The following ARIH1 variants were observed in gnomAD, a reference collection of about 807,000 sequenced individuals.
ARIH1 encodes E3 ubiquitin-protein ligase ARIH1.
ARIH1 carries 8 observed loss-of-function variants against 85.0 expected under a neutral mutation model. The ratio of observed to expected loss-of-function variants is 0.09; its 90% CI spans 0.06 to 0.17. The LOEUF is 0.17. Ranked by LOEUF, ARIH1 falls within the 10% of genes least tolerant of loss-of-function variation. The pLI, the probability that ARIH1 is intolerant of heterozygous loss-of-function variation, is 1.00. For synonymous variants in ARIH1, 238 were observed against 253.6 expected (o/e 0.94, Z 0.59); for missense variants, 311 against 718.1 (o/e 0.43, Z 6.48).
chr15:72,573,926 T>TA (rs1338538834), intron 11 of ARIH1, among the ~76,000 whole-genome samples: 1 of 152,204 alleles, frequency 6.6e-6, no homozygotes, highest in African/African-American at 2.4e-5. Flanking sequence ...TGATGTCCCT[T>TA]AAGTCATATC....
At chr15:72,552,005 G>C (rs900768486) in intron 3 of ARIH1, among the ~76,000 whole-genome samples, 2 of 152,300 alleles carry the variant, frequency 1.3e-5, no homozygotes, top group East Asian at 3.9e-4. Flanking sequence ...GAGAAATCAA[G>C]TACTCTTGCA....
At chr15:72,537,277 A>G (rs1221889193) in intron 2 of ARIH1, among the ~76,000 whole-genome samples, 1 of 152,196 alleles carries the variant, frequency 6.6e-6, no homozygotes, top group Non-Finnish European at 1.5e-5. Flanking sequence ...ATAACTTTAA[A>G]AACCACAAAG....
At chr15:72,573,548 CTAAA>C (rs563388781) in intron 11 of ARIH1, among the ~76,000 whole-genome samples, 5 of 151,566 alleles carry the variant, frequency 3.3e-5, no homozygotes, top group Non-Finnish European at 5.9e-5. Context: ...GACTCTGTCG[CTAAA>C]TAAATAAATA....
At chr15:72,484,206 A>G (rs1391969450) in intron 1 of ARIH1, among the ~76,000 whole-genome samples, 1 of 151,636 alleles carries the variant, frequency 6.6e-6, no homozygotes, top group Non-Finnish European at 1.5e-5. Context: ...AAGAAAAGAA[A>G]ATTGTAGATT....
At chr15:72,528,405 TATG>T (rs907189386) in intron 2 of ARIH1, among the ~76,000 whole-genome samples, 1 of 152,218 alleles carries the variant, frequency 6.6e-6, no homozygotes, top group Non-Finnish European at 1.5e-5. Flanking sequence ...TGGATGTGAT[TATG>T]ATAACATGGA....
At chr15:72,488,110 A>T (rs1412197309) in intron 1 of ARIH1, among the ~76,000 whole-genome samples, 1 of 152,178 alleles carries the variant, frequency 6.6e-6, no homozygotes. Flanking sequence ...ATCACGGCTC[A>T]CTACAGCCTT....
At chr15:72,559,234 A>T (rs2064187404) in intron 5 of ARIH1, among the ~76,000 whole-genome samples, 1 of 152,122 alleles carries the variant, frequency 6.6e-6, no homozygotes, top group Non-Finnish European at 1.5e-5. Context: ...ATGCAGTTCA[A>T]ACCTGTGTTG....
At chr15:72,572,064 T>G in intron 10 of ARIH1, 44 bp from the exon 11 acceptor site, 1 of 1,369,910 alleles carries the variant, frequency 7.3e-7, no homozygotes, top group Non-Finnish European at 1.0e-6. Flanking sequence ...TTCCTTTTCA[T>G]TGATTTTTTT....
In ARIH1 at chr15:72,582,955, G is replaced by A. The variant is rs1389399121; in HGVS notation, c.1590-253G>A. ...GAATTATGATTTCTAAGGTCCATCA[G>A]AACTTGTAACACTTTATTGCTTTAA... On this transcript the variant is annotated intron_variant, in intron 13 of 13. Coordinates refer to ENST00000379887, the MANE Select transcript of ARIH1 (RefSeq NM_005744.5). The surrounding 1 kb of genome is among the most constrained non-coding windows in gnomAD (Gnocchi z 4.6). 6.6e-6 allele frequency among the ~76,000 whole-genome samples: 1 copy of A among 152,166 alleles called. No individual in the cohort carries two copies. The highest frequency in any genetic ancestry group is 1.5e-5 in the Non-Finnish European group (1 of 68,026).
chr15:72,539,315 A>C (rs967035989), intron 2 of ARIH1, among the ~76,000 whole-genome samples: 1 of 152,240 alleles, frequency 6.6e-6, no homozygotes, highest in Non-Finnish European at 1.5e-5. Flanking sequence ...CTATCCAGGC[A>C]CAGTAGTCTT....
intron 1 of ARIH1, among the ~76,000 whole-genome samples, chr15:72,489,532 A>T (rs987971413): frequency 3.9e-5 from 6 of 152,246 alleles, no homozygotes; most frequent in Admixed American, 6.5e-5. Flanking sequence ...TAAATGAATA[A>T]GTAAAAATTA....
At chr15:72,514,984 C>T (rs747497111) in intron 1 of ARIH1, among the ~76,000 whole-genome samples, 2 of 151,590 alleles carry the variant, frequency 1.3e-5, no homozygotes, top group Non-Finnish European at 2.9e-5. Context: ...AAGACTCCAT[C>T]AAAAAAACAA....
intron 3 of ARIH1, among the ~76,000 whole-genome samples, chr15:72,552,049 G>C (rs936972493): frequency 1.3e-4 from 20 of 152,214 alleles, no homozygotes; most frequent in African/African-American, 4.8e-4. Context: ...TTGCAGGGGA[G>C]CCTGATGATA....
At chr15:72,505,792 G>C (rs1390865543) in intron 1 of ARIH1, among the ~76,000 whole-genome samples, 1 of 152,124 alleles carries the variant, frequency 6.6e-6, no homozygotes, top group African/African-American at 2.4e-5. Flanking sequence ...GTGGAGTGCA[G>C]TGGTGCGATC....
chr15:72,500,459 A>G (rs1389541757), intron 1 of ARIH1, among the ~76,000 whole-genome samples: 1 of 152,068 alleles, frequency 6.6e-6, no homozygotes, highest in Non-Finnish European at 1.5e-5. Context: ...GAATCTTCTA[A>G]TCCATTGTGC....
intron 1 of ARIH1, among the ~76,000 whole-genome samples, chr15:72,480,102 C>T (rs1346322711): frequency 6.6e-6 from 1 of 151,940 alleles, no homozygotes; most frequent in African/African-American, 2.4e-5. Flanking sequence ...ATCTCCTGAC[C>T]TCGTGATCCG....
intron 2 of ARIH1, among the ~76,000 whole-genome samples, chr15:72,519,874 A>G (rs992245233): frequency 1.1e-4 from 16 of 152,102 alleles, no homozygotes; most frequent in South Asian, 2.1e-4. Context: ...CTACTAGGAG[A>G]AAGAGTTTTT....
chr15:72,551,662 G>A (rs1409711901), intron 3 of ARIH1, among the ~76,000 whole-genome samples: 1 of 152,140 alleles, frequency 6.6e-6, no homozygotes, highest in Non-Finnish European at 1.5e-5. Context: ...ACGGTGATAA[G>A]TTTCACTGTG....
intron 1 of ARIH1, among the ~76,000 whole-genome samples, chr15:72,498,005 GT>G (rs1293723040): frequency 6.6e-6 from 1 of 152,088 alleles, no homozygotes; most frequent in Non-Finnish European, 1.5e-5. Context: ...GTGTTAAAAT[GT>G]TTTGGGTTTT....
Sources: allele counts gnomAD v4.1 joint callset (sites outside exome capture counted in the v4.1 genomes callset), GRCh38; gene constraint gnomAD v4.1.1; non-coding constraint Gnocchi (gnomAD v3.1); transcripts MANE v1.5; gene names NCBI Gene and HGNC (gene_info 2026-07-23, HGNC 2026-07-21).